The following DOP1A variants were observed in gnomAD, a reference collection of about 807,000 sequenced individuals.
DOP1A encodes the protein DOP1 leucine zipper like protein A, also known as protein DOP1A.
In DOP1A, 90 loss-of-function variants were observed where a neutral mutation model predicts 267.6. The observed-to-expected ratio is 0.34, with a 90% CI of 0.28 to 0.40. DOP1A has a LOEUF of 0.40. Ranked by LOEUF, DOP1A falls within the 10% of genes least tolerant of loss-of-function variation. The pLI is 1.00. For missense variants in DOP1A, 2,437 were observed against 2,900.4 expected (o/e 0.84, Z 3.67); for synonymous variants, 932 against 999.1 (o/e 0.93, Z 1.27).
chr6:83,135,726 T>C lies in DOP1A; in HGVS notation c.2978T>C (p.Val993Ala). Residue 993 changes from valine to alanine, a missense_variant, in exon 20 of 39, where the codon GTT becomes GCT. Transcript: ENST00000349129. ...CTACAAAGACATGATATTGCACGAG[T>C]TTTGGAACCATTGCTATTGCTCCTG... is the stretch of plus-strand genomic sequence containing the variant. ...QVLQRHDIAR[V>A]LEPLLLLLLH... is the part of the protein sequence containing the mutation. The C allele has an allele frequency of 6.2e-7, 1 of 1,613,364 alleles. No individual in the cohort carries two copies.
chr6:83,146,915 C>T (rs994945088), intron 25 of DOP1A, among the ~76,000 whole-genome samples: 1 of 152,072 alleles, frequency 6.6e-6, no homozygotes, highest in African/African-American at 2.4e-5. Flanking sequence ...GCATAAGCTA[C>T]CTAAAATAGT....
Position 83,168,376 on chromosome 6 carries a change from TAA to T in DOP1A, c.*210_*211del, listed in dbSNP as rs1786362728. The T allele has an allele frequency of 5.8e-6, 8 of 1,370,298 alleles. No homozygotes were observed. Among genetic ancestry groups the T allele is most frequent in the Non-Finnish European group, 7.5e-6 (8 of 1,064,110 alleles). 84.9% of individuals were successfully genotyped at this position (1,370,298 alleles called of 1,614,324 possible). A position where few individuals can be genotyped will look rare whatever the true frequency, so the allele number is the denominator to read the frequency against. Reference sequence around the variant, plus strand: ...GTTGGCTCATACTGATTATGGTGCCTAAGAGAGCTATATATATACACATGTAA... The same window carrying T: ...GTTGGCTCATACTGATTATGGTGCCTGAGAGCTATATATATACACATGTAA... On this transcript the variant is annotated 3_prime_UTR_variant, in exon 39 of 39. Transcript: ENST00000349129.
chr6:83,096,372 T>G (rs1771511597), intron 1 of DOP1A, among the ~76,000 whole-genome samples: 1 of 151,368 alleles, frequency 6.6e-6, no homozygotes, highest in African/African-American at 2.4e-5. Flanking sequence ...TGTGAGCCAC[T>G]GTACTCAGCT....
rs759449429 is a variant in DOP1A, at chr6:83,138,650, C to A, written c.4608C>A (p.Ile1536=). The stretch of plus-strand genomic sequence containing the variant: ...TTCTTCATTGTTTGCTGTCATCTAT[C>A]TTTAGTGCTCAGAAATGGCATAGTG... ...KVILHCLLSS[I]FSAQKWHSEK... is the part of the protein sequence containing the mutation. The change falls in exon 21 of 39, where the codon ATC becomes ATA. Residue 1536 remains isoleucine, a synonymous_variant. Transcript: ENST00000349129. 1 of 1,613,918 alleles carries A rather than the reference C, an allele frequency of 6.2e-7. No homozygotes were observed. The highest frequency in any genetic ancestry group is 2.2e-5 in the East Asian group (1 of 44,872).
In DOP1A at chr6:83,141,264, A is replaced by T. The variant is rs1779612616; in HGVS notation, c.5416-657A>T. 3.3e-5 allele frequency among the ~76,000 whole-genome samples: 5 copies of T among 152,226 alleles called. No homozygotes were observed. The South Asian group carries it at 1.0e-3, about 32-fold the overall frequency. On this transcript the variant is annotated intron_variant, in intron 23 of 38. Transcript: ENST00000349129. ...CAATTATGTAAAAAATGTTATCTGCAGAAAAAGGAATAAAGAAAGTTTGCA... is the reference window on the plus strand; with the variant it reads ...CAATTATGTAAAAAATGTTATCTGCTGAAAAAGGAATAAAGAAAGTTTGCA...
Position 83,129,046 on chromosome 6 carries a change from G to C in DOP1A, c.1879G>C (p.Ala627Pro), listed in dbSNP as rs1179674011. The C allele has an allele frequency of 6.2e-7, 1 of 1,613,976 alleles. No homozygotes were observed. The highest frequency in any genetic ancestry group is 2.2e-5 in the East Asian group (1 of 44,870). Residue 627 changes from alanine (A) to proline (P), a missense_variant, in exon 16 of 39, where the codon GCT becomes CCT. Physicochemically the swap from Ala to Pro is conservative, Grantham distance 27. Coordinates refer to ENST00000349129, the MANE Select transcript of DOP1A (RefSeq NM_015018.4). Reference sequence around the variant, plus strand: ...AGAACTGAGTGAGGGCCAGGGGGCAGCTGCCATCCCAATTGGTAGCACATC... The same window carrying C: ...AGAACTGAGTGAGGGCCAGGGGGCACCTGCCATCCCAATTGGTAGCACATC... ...DRELSEGQGA[A>P]AIPIGSTSSE... is the part of the protein sequence containing the mutation.
intron 1 of DOP1A, among the ~76,000 whole-genome samples, chr6:83,091,586 T>C (rs1195063609): frequency 1.3e-5 from 2 of 152,164 alleles, no homozygotes; most frequent in African/African-American, 4.8e-5. Flanking sequence ...CTGGTCATTA[T>C]TAATTGACTT....
At chr6:83,157,454 A>C in intron 35 of DOP1A, 136 bp downstream of exon 35, 1 of 895,410 alleles carries the variant, frequency 1.1e-6, no homozygotes, top group African/African-American at 1.7e-5. Flanking sequence ...TGCTTTTTAC[A>C]GTTGAAAATA....
intron 4 of DOP1A, among the ~76,000 whole-genome samples, chr6:83,103,873 C>T (rs879151156): frequency 6.6e-6 from 1 of 152,164 alleles, no homozygotes; most frequent in Non-Finnish European, 1.5e-5. Context: ...CTTGTCAACC[C>T]AGCAAGTTCC....
chr6:83,079,536 C>A (rs1368127642), intron 1 of DOP1A, among the ~76,000 whole-genome samples: 1 of 152,014 alleles, frequency 6.6e-6, no homozygotes, highest in Non-Finnish European at 1.5e-5. Flanking sequence ...TATGTAAAAA[C>A]CAGTCTTTAT....
At chr6:83,092,062 T>G (rs1013189060) in intron 1 of DOP1A, among the ~76,000 whole-genome samples, 13 of 152,180 alleles carry the variant, frequency 8.5e-5, no homozygotes, top group Admixed American at 2.0e-4. Context: ...TTTAACTGTT[T>G]TATTAGCTAT....
Position 83,097,040 on chromosome 6 carries a change from T to G in DOP1A, c.63T>G (p.Ile21Met). Residue 21 changes from isoleucine to methionine, a missense_variant, in exon 3 of 39, where the codon ATT becomes ATG. By Grantham distance (10) the Ile-to-Met change is conservative. Coordinates refer to ENST00000349129, the MANE Select transcript of DOP1A (RefSeq NM_015018.4). Reference sequence around the variant, plus strand: ...AATACAGAAACTATGTAGCAGCAATTGACAAAGCACTAAAGAATTTTGAAT... The same window carrying G: ...AATACAGAAACTATGTAGCAGCAATGGACAAAGCACTAAAGAATTTTGAAT... ...DSKYRNYVAAIDKALKNFEYS... is the reference protein window; with the variant it reads ...DSKYRNYVAAMDKALKNFEYS... 6.2e-7 allele frequency: 1 copy of G among 1,614,062 alleles called. No individual in the cohort carries two copies. The highest frequency in any genetic ancestry group is 1.1e-5 in the South Asian group (1 of 91,082).
intron 37 of DOP1A, among the ~76,000 whole-genome samples, chr6:83,162,165 T>C (rs1234108829): frequency 6.6e-6 from 1 of 152,146 alleles, no homozygotes; most frequent in African/African-American, 2.4e-5. Context: ...CTGACAACAT[T>C]GATGAATCCT....
Position 83,134,199 on chromosome 6 carries a change from G to A in DOP1A, c.2782G>A (p.Glu928Lys). 2 of 1,612,486 alleles carry A rather than the reference G, an allele frequency of 1.2e-6. No homozygotes were observed. Among genetic ancestry groups the A allele is most frequent in the African/African-American group, 1.3e-5 (1 of 74,950 alleles). Residue 928 changes from glutamate (E) to lysine (K), a missense_variant, in exon 19 of 39, where the codon GAA becomes AAA. Physicochemically the swap from Glu to Lys is moderately conservative, Grantham distance 56. Around this residue, in one of 9 missense-constraint regions of DOP1A, gnomAD observed 878 missense variants for 992.9 expected, o/e 0.88. Coordinates refer to ENST00000349129, the MANE Select transcript of DOP1A (RefSeq NM_015018.4). The part of the protein sequence containing the change: ...LTHKDKKIRM[E>K]AHAKFAVLWH... ...TGTTTCTCCTCAGAAAATAAGGATG[G>A]AAGCACATGCCAAGTTTGCAGTTCT... is the stretch of plus-strand genomic sequence containing the variant.
chr6:83,171,315 A>G (rs547009768), downstream of DOP1A: 2 of 151,936 alleles, frequency 1.3e-5, no homozygotes, highest in South Asian at 4.1e-4. Context: ...TTTTATATCT[A>G]TTTTTAATTT....
intron 5 of DOP1A, among the ~76,000 whole-genome samples, chr6:83,109,471 A>G (rs930824919): frequency 1.3e-5 from 2 of 152,196 alleles, no homozygotes; most frequent in African/African-American, 4.8e-5. Context: ...GTCACTCAAG[A>G]AAATTGTGAC....
chr6:83,069,763 G>C (rs1450855152), intron 1 of DOP1A, among the ~76,000 whole-genome samples: 1 of 151,996 alleles, frequency 6.6e-6, no homozygotes, highest in African/African-American at 2.4e-5. Context: ...GAATTTGATG[G>C]TGGAGTGTAG....
chr6:83,078,909 TA>T (rs1296086757), intron 1 of DOP1A, among the ~76,000 whole-genome samples: 1 of 152,230 alleles, frequency 6.6e-6, no homozygotes, highest in East Asian at 1.9e-4. Context: ...TGATGAGCAT[TA>T]TTAATATTGT....
chr6:83,138,146 T>C lies in DOP1A; in HGVS notation c.4104T>C (p.His1368=). 6.2e-7 allele frequency: 1 copy of C among 1,613,988 alleles called. No homozygotes were observed. Among genetic ancestry groups the C allele is most frequent in the Non-Finnish European group, 8.5e-7 (1 of 1,179,916 alleles). The change falls in exon 21 of 39, where the codon CAT becomes CAC. Residue 1368 remains histidine (H), a synonymous_variant. Coordinates refer to ENST00000349129, the MANE Select transcript of DOP1A (RefSeq NM_015018.4). Reference sequence around the variant, plus strand: ...TCAACATTCATCCTCTCTATCAACATGTGCTCCTGTATCTCCAGTTGTATG... The same window carrying C: ...TCAACATTCATCCTCTCTATCAACACGTGCTCCTGTATCTCCAGTTGTATG... The part of the protein sequence containing the change: ...PNFNIHPLYQ[H]VLLYLQLYDS...
Sources: gnomAD v4.1 joint callset for allele counts (sites outside exome capture counted in the v4.1 genomes callset) on GRCh38, gnomAD v4.1.1 for gene constraint, gnomAD v4.1.1 regional missense constraint, MANE v1.5 for transcripts, NCBI Gene and HGNC (gene_info 2026-07-23, HGNC 2026-07-21) for gene names.